Variants in MAP4K3 observed in about 807,000 individuals in gnomAD.
MAP4K3 encodes the protein MAPK/ERK kinase kinase kinase 3.
Under a neutral mutation model 143.5 loss-of-function variants are expected in MAP4K3, and 94 were observed. The observed-to-expected ratio is 0.65, with a 90% CI of 0.55 to 0.78. The LOEUF is 0.78. Among genes scored for constraint, MAP4K3 ranks in the 30% least tolerant of loss-of-function variants. MAP4K3 has a pLI of 0.00. For missense variants in MAP4K3, 1,077 were observed against 1,068.1 expected (o/e 1.01, Z -0.12); for synonymous variants, 416 against 347.2 (o/e 1.20, Z -2.20).
chr2:39,310,805 TG>T (rs1027537054), intron 13 of MAP4K3, among the ~76,000 whole-genome samples: 1 of 152,200 alleles, frequency 6.6e-6, no homozygotes, highest in African/African-American at 2.4e-5. Context: ...GATATCTCAT[TG>T]GGGTTTTTCT....
intron 15 of MAP4K3, among the ~76,000 whole-genome samples, chr2:39,307,511 C>T (rs1205254152): frequency 6.6e-6 from 1 of 150,872 alleles, no homozygotes; most frequent in Non-Finnish European, 1.5e-5. Flanking sequence ...AATATATGTA[C>T]CATGATATAT....
At chr2:39,273,725 T>G (rs1327779111) in intron 24 of MAP4K3, among the ~76,000 whole-genome samples, 2 of 152,220 alleles carry the variant, frequency 1.3e-5, no homozygotes, top group Non-Finnish European at 2.9e-5. Flanking sequence ...AACCAATTTC[T>G]CCAAACAACT....
rs1681793834 is a variant in MAP4K3, at chr2:39,286,760, G to A, written c.1587+92C>T. 7.5e-6 allele frequency: 4 copies of A among 535,150 alleles called. No individual in the cohort carries two copies. The South Asian group carries it at 1.7e-4, about 23-fold the overall frequency. 33.2% of individuals were successfully genotyped at this position (535,150 alleles called of 1,614,324 possible). ...AATATAGTAATTGTAAAATATACTA[G>A]TGCTATAGTGTCACTAATTGTAAGC... On this transcript the variant is annotated intron_variant, in intron 21 of 33. Transcript: ENST00000263881.
chr2:39,333,034 A>G (rs1026138863), intron 7 of MAP4K3, among the ~76,000 whole-genome samples: 1 of 152,110 alleles, frequency 6.6e-6, no homozygotes, highest in Admixed American at 6.5e-5. Flanking sequence ...TTTGAACTCT[A>G]TTTTAATTGA....
At chr2:39,371,900 A>G (rs1666092510) in intron 2 of MAP4K3, among the ~76,000 whole-genome samples, 1 of 150,202 alleles carries the variant, frequency 6.7e-6, no homozygotes, top group Admixed American at 6.7e-5. Context: ...TTATACATAT[A>G]ATATATATTA....
At chr2:39,322,590 A>ATGTG (rs1435720329) in intron 12 of MAP4K3, among the ~76,000 whole-genome samples, 5 of 48,114 alleles carry the variant, frequency 1.0e-4, no homozygotes, top group Non-Finnish European at 1.5e-4. Flanking sequence ...TAGATGTGGT[A>ATGTG]TATGTGTGTG....
intron 19 of MAP4K3, among the ~76,000 whole-genome samples, chr2:39,289,819 T>C (rs1681954724): frequency 6.6e-6 from 1 of 152,188 alleles, no homozygotes; most frequent in African/African-American, 2.4e-5. Context: ...GCACAGTGAC[T>C]CATGCCTGTA....
At chr2:39,414,672 G>C (rs895652619) in intron 1 of MAP4K3, among the ~76,000 whole-genome samples, 6 of 152,086 alleles carry the variant, frequency 3.9e-5, no homozygotes, top group African/African-American at 1.4e-4. Context: ...TCAGGAGATC[G>C]AGACCATCCT....
rs1013802043 is a variant in MAP4K3 at position 39,286,919 on chromosome 2, G to A, written c.1520C>T (p.Ser507Leu). 1.9e-6 allele frequency: 3 copies of A among 1,608,974 alleles called. No homozygotes were observed. Among genetic ancestry groups the A allele is most frequent in the African/African-American group, 1.3e-5 (1 of 74,822 alleles). ...SFQLNGERDG[S>L]LCQQQNEHRG... ...ATGTTCATTCTGTTGTTGACATAAT[G>A]AGCCATCTCGTTCACCATTTAACTG... The change falls in exon 21 of 34, where the codon TCA (serine) becomes TTA (leucine). Residue 507 changes from serine to leucine, a missense_variant. Ser to Leu is a moderately radical substitution (Grantham distance 145). Coordinates refer to ENST00000263881, the MANE Select transcript of MAP4K3 (RefSeq NM_003618.4).
intron 2 of MAP4K3, among the ~76,000 whole-genome samples, chr2:39,373,138 C>T (rs941061182): frequency 3.9e-5 from 6 of 152,128 alleles, no homozygotes; most frequent in African/African-American, 1.4e-4. Flanking sequence ...AAGATCTGAA[C>T]AGACATTTCT....
Position 39,325,556 on chromosome 2 carries a change from G to T in MAP4K3, c.880C>A (p.His294Asn). The T allele has an allele frequency of 6.2e-7, 1 of 1,612,878 alleles. No individual in the cohort carries two copies. Among genetic ancestry groups the T allele is most frequent in the South Asian group, 1.1e-5 (1 of 90,968 alleles). Residue 294 changes from histidine to asparagine, a missense_variant, in exon 12 of 34, where the codon CAT becomes AAT. Transcript: ENST00000263881. ...ELLDKVNNPD[H>N]STYHDFDDDD... ...TCATCGAAATCATGGTAAGTGGAAT[G>T]ATCTGGATTATTTACTTTATCCAAC...
At chr2:39,278,294 CAAAAA>C in intron 24 of MAP4K3, 108 bp downstream of exon 24, 1 of 605,734 alleles carries the variant, frequency 1.7e-6, no homozygotes, top group Non-Finnish European at 2.8e-6. Flanking sequence ...CAAAACAAAA[CAAAAA>C]AGAATAAAAG....
chr2:39,417,810 G>A (rs969283868), intron 1 of MAP4K3, among the ~76,000 whole-genome samples: 6 of 152,226 alleles, frequency 3.9e-5, no homozygotes, highest in Non-Finnish European at 8.8e-5. Flanking sequence ...CTAACAGAAG[G>A]AACCAGGGCT....
At chr2:39,367,724 A>G (rs1665964568) in intron 2 of MAP4K3, among the ~76,000 whole-genome samples, 1 of 152,112 alleles carries the variant, frequency 6.6e-6, no homozygotes. Context: ...CAACTTTAAG[A>G]TAAAAAGAAA....
intron 2 of MAP4K3, among the ~76,000 whole-genome samples, chr2:39,362,175 T>C (rs1367007519): frequency 6.6e-6 from 1 of 152,180 alleles, no homozygotes; most frequent in Non-Finnish European, 1.5e-5. Flanking sequence ...TTATTTAGAA[T>C]TGATACATCT....
intron 13 of MAP4K3, 129 bp from the exon 14 acceptor site, chr2:39,309,648 C>G (rs886246907): frequency 3.8e-5 from 21 of 555,172 alleles, no homozygotes; most frequent in African/African-American, 1.4e-4. Context: ...ATCTCCACCC[C>G]CTGGGTTCCC....
rs1238240185 is a variant in MAP4K3, at chr2:39,272,486, T to C, written c.1851A>G (p.Ile617Met). 6.2e-7 allele frequency: 1 copy of C among 1,612,484 alleles called. No individual in the cohort carries two copies. Reference sequence around the variant, plus strand: ...TTTAAAAACTAATATACTTACCAGATATTGATAGCAAGCAATTGTTCATTA... The same window carrying C: ...TTTAAAAACTAATATACTTACCAGACATTGATAGCAAGCAATTGTTCATTA... ...LYVMNNCLLS[I>M]SGKASQLYSH... Residue 617 changes from isoleucine to methionine, a missense_variant, in exon 25 of 34, where the codon ATA (isoleucine) becomes ATG (methionine). Physicochemically the swap from Ile to Met is conservative, Grantham distance 10. Transcript: ENST00000263881.
intron 16 of MAP4K3, among the ~76,000 whole-genome samples, chr2:39,295,063 A>C (rs964076235): frequency 1.3e-5 from 2 of 151,922 alleles, no homozygotes; most frequent in African/African-American, 4.8e-5. Flanking sequence ...AAACAATGCT[A>C]CTTTTTTTTA....
At position 39,280,324 on chromosome 2, in the gene MAP4K3, C is replaced by A. The variant is rs1266409019; in HGVS notation, c.1662G>T (p.Gly554=). 1.2e-6 allele frequency: 2 copies of A among 1,603,912 alleles called. No individual in the cohort carries two copies. The highest frequency in any genetic ancestry group is 2.7e-5 in the African/African-American group (2 of 74,890). Residue 554 remains glycine (G), a synonymous_variant, in exon 23 of 34, where the codon GGG becomes GGT. Transcript: ENST00000263881. ...ATGCACAGTGAATTTTCAAGGGACA[C>A]CCATTAAAAACTTTTGAAAAACATG... The part of the protein sequence containing the change: ...MGACFSKVFN[G]CPLKIHCASS...
Sources: allele counts gnomAD v4.1 joint callset (sites outside exome capture counted in the v4.1 genomes callset), GRCh38; gene constraint gnomAD v4.1.1; transcripts MANE v1.5; gene names NCBI Gene and HGNC (gene_info 2026-07-23, HGNC 2026-07-21).